KRT84: variants seen among roughly 807,000 people sequenced by gnomAD.
KRT84 encodes the protein keratin 84, also known as keratin, type II cuticular Hb4.
In KRT84, 38 loss-of-function variants were observed where a neutral mutation model predicts 49.0. The ratio of observed to expected loss-of-function variants is 0.78; its 90% confidence interval spans 0.60 to 1.02. The LOEUF (loss-of-function observed/expected upper bound fraction) is 1.02. Among genes scored for constraint, KRT84 ranks in the 50% least tolerant of loss-of-function variants. The pLI is 0.00. For synonymous variants in KRT84, 334 were observed against 312.8 expected (o/e 1.07, Z -0.72); for missense variants, 860 against 788.6 (o/e 1.09, Z -1.08).
Position 52,378,214 on chromosome 12 carries a change from C to G in KRT84, c.1623G>C (p.Pro541=). The G allele has an allele frequency of 1.3e-6, 2 of 1,568,824 alleles. No homozygotes were observed. The highest frequency in any genetic ancestry group is 8.6e-7 in the Non-Finnish European group (1 of 1,158,424). ...GPSLGGARVA[P]ATGDLLSTGT... is the part of the protein sequence containing the mutation. ...CAGTGCTCAGCAGGTCCCCAGTGGC[C>G]GGGGCGACCCGGGCTCCACCCAGGC... is the stretch of plus-strand genomic sequence containing the variant. Residue 541 remains proline, a synonymous_variant, in exon 9 of 9, where the codon CCG becomes CCC. Transcript: ENST00000257951.
intron 1 of KRT84, among the ~76,000 whole-genome samples, chr12:52,384,115 T>C (rs1486418710): frequency 6.6e-6 from 1 of 152,240 alleles, no homozygotes; most frequent in African/African-American, 2.4e-5. Flanking sequence ...TAAGCTCTGG[T>C]TTGCCTATAT....
rs772091617 is a variant in KRT84 at position 52,381,249 on chromosome 12, A to G, written c.1078-44T>C. 6 of 1,612,194 alleles carry G rather than the reference A, an allele frequency of 3.7e-6. No individual in the cohort carries two copies. The African/African-American group carries it at 8.0e-5, about 22-fold the overall frequency. The stretch of plus-strand genomic sequence containing the variant: ...ATTTTGAGGGTTCGGAGGTCAGGTC[A>G]GGATCACAGCCCCCACTGAGTTGGG... On this transcript the variant is annotated intron_variant, in intron 5 of 8. Coordinates refer to ENST00000257951, the MANE Select transcript of KRT84 (RefSeq NM_033045.4).
chr12:52,380,371 C>T lies in KRT84; in HGVS notation c.1416G>A (p.Glu472=). The stretch of plus-strand genomic sequence containing the variant: ...GGACTGAGAGTACTCACCGGCTCTC[C>T]TCGCCCTCCAGCAGGCGCCTGTAGG... ...IATYRRLLEG[E]ESRLCEGVGP... is the part of the protein sequence containing the mutation. Residue 472 remains glutamate, a synonymous_variant, in exon 7 of 9, where the codon GAG becomes GAA. Transcript: ENST00000257951. 1 of 1,613,938 alleles carries T rather than the reference C, an allele frequency of 6.2e-7. No individual in the cohort carries two copies. The highest frequency in any genetic ancestry group is 8.5e-7 in the Non-Finnish European group (1 of 1,179,992).
chr12:52,383,934 A>G (rs968754206), intron 1 of KRT84, 136 bp from the exon 2 acceptor site: 5 of 699,290 alleles, frequency 7.2e-6, no homozygotes, highest in South Asian at 5.5e-5. Context: ...TCATTCCTCC[A>G]CTAACTCAGC....
Position 52,381,505 on chromosome 12 carries a change from C to T in KRT84, c.933G>A (p.Ser311=), listed in dbSNP as rs749936071. 25 of 1,613,880 alleles carry T rather than the reference C, an allele frequency of 1.5e-5. No individual in the cohort carries two copies. Among genetic ancestry groups the T allele is most frequent in the South Asian group, 4.4e-5 (4 of 91,070 alleles). Residue 311 remains serine (S), a synonymous_variant, in exon 5 of 9, where the codon TCG becomes TCA. Coordinates refer to ENST00000257951, the MANE Select transcript of KRT84 (RefSeq NM_033045.4). ...CAATGACCGACGTCTCTGAGATGTG[C>T]GACTGCAGCAACTGGATTTCCTGTG... ...LYMEEIQLLQ[S]HISETSVIVK...
At chr12:52,383,564 G>T in intron 2 of KRT84, 26 bp downstream of exon 2, 1 of 1,598,470 alleles carries the variant, frequency 6.3e-7, no homozygotes, top group Non-Finnish European at 8.6e-7. Context: ...CCTGTCACTG[G>T]TCTGTGCAGC....
intron 8 of KRT84, among the ~76,000 whole-genome samples, chr12:52,378,847 C>A (rs1257315950): frequency 6.6e-6 from 1 of 152,220 alleles, no homozygotes; most frequent in Admixed American, 6.5e-5. Context: ...TCCCTTGTCG[C>A]CTCTCTCCTG....
chr12:52,382,375 A>AT, intron 4 of KRT84, 62 bp downstream of exon 4: 11 of 1,108,136 alleles, frequency 9.9e-6, no homozygotes, highest in Admixed American at 1.7e-5. Context: ...CAGGCTAAGC[A>AT]TTCAGGGAGT....
At chr12:52,380,762 G>A (rs890737525) in intron 6 of KRT84, among the ~76,000 whole-genome samples, 179 bp from the exon 7 acceptor site, 2 of 152,222 alleles carry the variant, frequency 1.3e-5, no homozygotes, top group African/African-American at 4.8e-5. Flanking sequence ...ATGGGGTAGG[G>A]CATTGCTGTT....
Position 52,385,040 on chromosome 12 carries a change from C to T in KRT84, c.546G>A (p.Lys182=). Residue 182 remains lysine (K), a splice_region_variant and synonymous_variant, in exon 1 of 9, where the codon AAG becomes AAA. Coordinates refer to ENST00000257951, the MANE Select transcript of KRT84 (RefSeq NM_033045.4). ...LNNKFASFID[K]VRFLEQQNKL... is the part of the protein sequence containing the mutation. The stretch of plus-strand genomic sequence containing the variant: ...CCAGAGATTCAGCTATCATAGGTAC[C>T]TTGTCAATGAAGGAGGCAAACTTGT... The T allele has an allele frequency of 6.2e-7, 1 of 1,605,454 alleles. No homozygotes were observed. The highest frequency in any genetic ancestry group is 8.5e-7 in the Non-Finnish European group (1 of 1,175,950).
chr12:52,383,158 T>C (rs1732299), intron 2 of KRT84, 93 bp from the exon 3 acceptor site: 237,076 of 1,007,532 alleles, frequency 0.24, 32,825 homozygotes, highest in African/African-American at 0.57. Context: ...TCTCTCAGTC[T>C]GTGCAGGATC....
intron 7 of KRT84, 128 bp from the exon 8 acceptor site, chr12:52,380,035 C>T: frequency 1.3e-6 from 1 of 791,958 alleles, no homozygotes; most frequent in East Asian, 2.7e-5. Context: ...GTTATACACA[C>T]ATCTGGGGAG....
In KRT84 at chr12:52,385,109, CTGGGCAT is replaced by C. The variant is rs774809400; in HGVS notation, c.470_476del (p.Asn157ArgfsTer3). 6.2e-7 allele frequency: 1 copy of C among 1,602,048 alleles called. No individual in the cohort carries two copies. The highest frequency in any genetic ancestry group is 1.1e-5 in the South Asian group (1 of 88,424). On this transcript the variant is annotated frameshift_variant, in exon 1 of 9. Transcript: ENST00000257951. LOFTEE classifies it high-confidence loss of function. ...GCTCCTTCTCATCCTTCTTCACCCT[CTGGGCAT>C]TGGGGTCAATCTCCAGGTTGAGGGG...
At chr12:52,386,692 T>A (rs73094999), upstream of KRT84, among the ~76,000 whole-genome samples, 2,105 of 152,222 alleles carry the variant, frequency 0.014, 28 homozygotes, top group Non-Finnish European at 0.02. Context: ...TATTGATGAA[T>A]CTTTGGTTAG....
At chr12:52,379,347 C>T (rs1939439995) in intron 8 of KRT84, among the ~76,000 whole-genome samples, 1 of 152,250 alleles carries the variant, frequency 6.6e-6, no homozygotes, top group Non-Finnish European at 1.5e-5. Context: ...GGCTAGGACT[C>T]ATCTTCTCAA....
intron 7 of KRT84, 83 bp from the exon 8 acceptor site, chr12:52,379,990 T>C (rs1791661): frequency 0.22 from 275,079 of 1,222,948 alleles, 35,419 homozygotes; most frequent in African/African-American, 0.56. Context: ...CTTTCTTGTT[T>C]GAGTAGATCT....
chr12:52,377,880 C>G lies in KRT84; in HGVS notation c.*154G>C. 2.0e-6 allele frequency: 1 copy of G among 488,818 alleles called. No homozygotes were observed. Among genetic ancestry groups the G allele is most frequent in the Non-Finnish European group, 3.4e-6 (1 of 291,958 alleles). The allele number at this position is 488,818 out of a possible 1,614,324, so 30.3% of individuals were successfully genotyped here. ...AAAAATCCTCCAAGAGGACATGGGG[C>G]CAGGCAGAATAATCGGGGGAGTGCT... On this transcript the variant is annotated 3_prime_UTR_variant, in exon 9 of 9. Coordinates refer to ENST00000257951, the MANE Select transcript of KRT84 (RefSeq NM_033045.4).
Position 52,379,795 on chromosome 12 carries a change from C to T in KRT84, c.1456+81G>A. On this transcript the variant is annotated intron_variant, in intron 8 of 8. Coordinates refer to ENST00000257951, the MANE Select transcript of KRT84 (RefSeq NM_033045.4). ...GCCAGACCGGCCATGTCGGACGCCT[C>T]CTGACCCCAGTGTGAGCCTGAGTTT... 3 of 1,232,614 alleles carry T rather than the reference C, an allele frequency of 2.4e-6. No homozygotes were observed. The East Asian group carries it at 7.2e-5, about 30-fold the overall frequency. The allele number at this position is 1,232,614 out of a possible 1,614,324, so 76.4% of individuals were successfully genotyped here. A position where few individuals can be genotyped will look rare whatever the true frequency, so the allele number is the denominator to read the frequency against.
Position 52,378,027 on chromosome 12 carries a change from T to C in KRT84, c.*7A>G. ...TCTCTGGGCAGCAGCTGTCTGGGGC[T>C]GGGCTCTCAGTACTTGGTCCGGCAG... On this transcript the variant is annotated 3_prime_UTR_variant, in exon 9 of 9. Transcript: ENST00000257951. 1.4e-6 allele frequency: 2 copies of C among 1,453,612 alleles called. No individual in the cohort carries two copies. Among genetic ancestry groups the C allele is most frequent in the Non-Finnish European group, 1.8e-6 (2 of 1,103,554 alleles). 90.0% of individuals were successfully genotyped at this position (1,453,612 alleles called of 1,614,324 possible).
Sources: allele counts gnomAD v4.1 joint callset (sites outside exome capture counted in the v4.1 genomes callset), GRCh38; gene constraint gnomAD v4.1.1; transcripts MANE v1.5; gene names NCBI Gene and HGNC (gene_info 2026-07-23, HGNC 2026-07-21).